The following LOC128462377 variants were observed in gnomAD, a reference collection of about 807,000 sequenced individuals.
chr16:89,328,284 A>C, the LOC128462377 span, among the ~76,000 whole-genome samples: 6 of 152,244 alleles, frequency 3.9e-5, no homozygotes, highest in African/African-American at 1.4e-4. Flanking sequence ...GAGAACAGCA[A>C]GGCAGCCTTA....
chr16:89,345,221 G>A, the LOC128462377 span, among the ~76,000 whole-genome samples: 749 of 152,064 alleles, frequency 4.9e-3, 4 homozygotes, highest in African/African-American at 0.017. Context: ...AAAAAAAATG[G>A]AGCGGCAAAA....
the LOC128462377 span, among the ~76,000 whole-genome samples, chr16:89,380,896 G>A: frequency 1.3e-5 from 2 of 152,232 alleles, no homozygotes; most frequent in Admixed American, 1.3e-4. Flanking sequence ...GAGGTCGTGG[G>A]CAGAGGACAG....
chr16:89,391,227 CA>C, the LOC128462377 span, among the ~76,000 whole-genome samples: 47,435 of 95,372 alleles, frequency 0.5, 8,478 homozygotes, highest in Middle Eastern at 0.71. Context: ...GACTCTGTCT[CA>C]AAAAAAAAAA....
chr16:89,391,724 C>T, the LOC128462377 span, among the ~76,000 whole-genome samples: 1 of 152,210 alleles, frequency 6.6e-6, no homozygotes, highest in Admixed American at 6.5e-5. Flanking sequence ...AGTAAGCACA[C>T]TTGTAAGAAG....
the LOC128462377 span, among the ~76,000 whole-genome samples, chr16:89,342,724 C>T: frequency 1.3e-5 from 2 of 152,238 alleles, no homozygotes; most frequent in African/African-American, 4.8e-5. Flanking sequence ...AGAATTACTT[C>T]TCACTATAGT....
the LOC128462377 span, among the ~76,000 whole-genome samples, chr16:89,378,906 CA>C: frequency 6.9e-6 from 1 of 145,360 alleles, no homozygotes; most frequent in Non-Finnish European, 1.5e-5. Context: ...AAAACCTCTT[CA>C]GGGGTTGGTG....
the LOC128462377 span, among the ~76,000 whole-genome samples, chr16:89,363,090 T>G: frequency 6.6e-6 from 1 of 152,144 alleles, no homozygotes; most frequent in African/African-American, 2.4e-5. Flanking sequence ...CTGAGGAAAT[T>G]AAATTTACGT....
chr16:89,366,288 A>G, the LOC128462377 span, among the ~76,000 whole-genome samples: 1 of 152,160 alleles, frequency 6.6e-6, no homozygotes, highest in African/African-American at 2.4e-5. Context: ...TGCAATGGAC[A>G]TTCGCCCGCA....
At chr16:89,354,565 G>A in the LOC128462377 span, among the ~76,000 whole-genome samples, 1 of 152,178 alleles carries the variant, frequency 6.6e-6, no homozygotes, top group Non-Finnish European at 1.5e-5. Context: ...AGATTTGATT[G>A]TGTGTCATCA....
the LOC128462377 span, among the ~76,000 whole-genome samples, chr16:89,331,265 A>T: frequency 6.6e-6 from 1 of 152,220 alleles, no homozygotes; most frequent in Admixed American, 6.5e-5. Flanking sequence ...GATGAAATAC[A>T]TTCTTAATAT....
At chr16:89,412,742 G>A in the LOC128462377 span, among the ~76,000 whole-genome samples, 2 of 152,070 alleles carry the variant, frequency 1.3e-5, no homozygotes, top group African/African-American at 2.4e-5. Flanking sequence ...TGTAAAAAAT[G>A]ATGGTATTAA....
At chr16:89,384,730 C>A in the LOC128462377 span, among the ~76,000 whole-genome samples, 9 of 152,054 alleles carry the variant, frequency 5.9e-5, no homozygotes, top group Non-Finnish European at 2.9e-5. Context: ...ATCAGGTGGC[C>A]TTTTGGTCTT....
chr16:89,362,331 A>G, the LOC128462377 span, among the ~76,000 whole-genome samples: 2 of 152,202 alleles, frequency 1.3e-5, no homozygotes, highest in East Asian at 1.9e-4. Context: ...ACCTCACGAC[A>G]CCTTGCACAG....
chr16:89,337,007 CAAAAAAAAAAAAAAAAAA>C, the LOC128462377 span, among the ~76,000 whole-genome samples: 1 of 47,730 alleles, frequency 2.1e-5, no homozygotes, highest in Non-Finnish European at 3.7e-5. Context: ...CTGGCTCTAC[CAAAAAAAAAAAAAAAAAA>C]AAAAAAAAAA....
At chr16:89,323,068 G>A in the LOC128462377 span, 2 of 303,124 alleles carry the variant, frequency 6.6e-6, no homozygotes, top group South Asian at 5.1e-5. Context: ...GTGTCTGAAG[G>A]ATGCTTTACG....
the LOC128462377 span, among the ~76,000 whole-genome samples, chr16:89,330,782 G>A: frequency 6.6e-6 from 1 of 150,756 alleles, no homozygotes; most frequent in Non-Finnish European, 1.5e-5. Flanking sequence ...CCCACACTCT[G>A]CAGAGAACGG....
At chr16:89,325,523 T>C in the LOC128462377 span, among the ~76,000 whole-genome samples, 1 of 150,890 alleles carries the variant, frequency 6.6e-6, no homozygotes, top group African/African-American at 2.4e-5. Flanking sequence ...ACAAAATACA[T>C]GATACATTTA....
At chr16:89,356,223 G>A in the LOC128462377 span, among the ~76,000 whole-genome samples, 1 of 151,940 alleles carries the variant, frequency 6.6e-6, no homozygotes, top group Non-Finnish European at 1.5e-5. Flanking sequence ...ATGAACTATT[G>A]TGGGTTTTTA....
the LOC128462377 span, among the ~76,000 whole-genome samples, chr16:89,385,045 C>T: frequency 6.6e-6 from 1 of 151,678 alleles, no homozygotes; most frequent in African/African-American, 2.4e-5. Context: ...ACCACCATGC[C>T]AGGCTAATTT....
Sources: gnomAD v4.1 joint callset for allele counts (sites outside exome capture counted in the v4.1 genomes callset) on GRCh38, gnomAD v4.1.1 for gene constraint, MANE v1.5 for transcripts.